The following THEMIS variants were observed in gnomAD, a reference collection of about 807,000 sequenced individuals.
The protein encoded by THEMIS is thymocyte selection associated.
A neutral mutation model predicts 52.6 loss-of-function variants in THEMIS; 37 were observed. The ratio of observed to expected loss-of-function variants is 0.70; its 90% confidence interval spans 0.54 to 0.93. The LOEUF is 0.93. Among genes scored for constraint, THEMIS ranks in the 40% least tolerant of loss-of-function variants. THEMIS has a pLI of 0.00. For synonymous variants in THEMIS, 292 were observed against 272.7 expected (o/e 1.07, Z -0.70); for missense variants, 808 against 763.1 (o/e 1.06, Z -0.69).
intron 4 of THEMIS, among the ~76,000 whole-genome samples, chr6:127,808,393 A>G (rs1299836262): frequency 6.6e-6 from 1 of 152,170 alleles, no homozygotes; most frequent in African/African-American, 2.4e-5. Context: ...AAGGAAGGAG[A>G]ATCTACCTGA....
intron 1 of THEMIS, among the ~76,000 whole-genome samples, chr6:127,856,130 C>G (rs551028657): frequency 6.6e-6 from 1 of 152,058 alleles, no homozygotes; most frequent in African/African-American, 2.4e-5. Flanking sequence ...CTTTGCCATA[C>G]TACATGTGAA....
intron 4 of THEMIS, among the ~76,000 whole-genome samples, chr6:127,810,044 A>G (rs1777848372): frequency 6.6e-6 from 1 of 151,888 alleles, no homozygotes; most frequent in African/African-American, 2.4e-5. Flanking sequence ...ATTATTAAGT[A>G]TCTGGAATCC....
chr6:127,869,077 G>A (rs1780072566), intron 1 of THEMIS, among the ~76,000 whole-genome samples: 1 of 151,878 alleles, frequency 6.6e-6, no homozygotes, highest in African/African-American at 2.4e-5. Context: ...TAAAAGAAAG[G>A]GTCTAAGCTT....
intron 4 of THEMIS, among the ~76,000 whole-genome samples, chr6:127,801,401 T>C (rs1046983158): frequency 6.6e-6 from 1 of 152,096 alleles, no homozygotes; most frequent in African/African-American, 2.4e-5. Flanking sequence ...CACAAGCTCT[T>C]ATCATGTGAG....
At chr6:127,792,671 G>T (rs1316456585) in intron 4 of THEMIS, among the ~76,000 whole-genome samples, 2 of 152,088 alleles carry the variant, frequency 1.3e-5, no homozygotes, top group African/African-American at 4.8e-5. Context: ...GCCTATACAG[G>T]CCACTCTCCC....
intron 4 of THEMIS, among the ~76,000 whole-genome samples, chr6:127,756,802 A>T (rs1321973178): frequency 6.6e-6 from 1 of 152,242 alleles, no homozygotes; most frequent in Non-Finnish European, 1.5e-5. Flanking sequence ...CTAATAAAAA[A>T]TGCTACCACA....
At chr6:127,791,073 G>T (rs577080722) in intron 4 of THEMIS, among the ~76,000 whole-genome samples, 6 of 152,304 alleles carry the variant, frequency 3.9e-5, no homozygotes, top group African/African-American at 1.4e-4. Context: ...CTGCCATGTG[G>T]CAAGCAGGGG....
chr6:127,808,663 A>C (rs983117244), intron 4 of THEMIS, among the ~76,000 whole-genome samples: 21 of 152,146 alleles, frequency 1.4e-4, no homozygotes, highest in African/African-American at 4.6e-4. Flanking sequence ...ATAAAATCTC[A>C]TAGGTCTTGA....
chr6:127,881,026 AT>A (rs1273045573), intron 1 of THEMIS, among the ~76,000 whole-genome samples: 1 of 152,112 alleles, frequency 6.6e-6, no homozygotes, highest in Non-Finnish European at 1.5e-5. Context: ...AAGTTTTTAA[AT>A]TCAAGAACTT....
At chr6:127,806,540 C>T (rs1777714445) in intron 4 of THEMIS, among the ~76,000 whole-genome samples, 1 of 152,036 alleles carries the variant, frequency 6.6e-6, no homozygotes. Flanking sequence ...TTCAATCATG[C>T]CATAATGAAA....
At chr6:127,794,370 A>C (rs1777257858) in intron 4 of THEMIS, among the ~76,000 whole-genome samples, 1 of 152,204 alleles carries the variant, frequency 6.6e-6, no homozygotes, top group African/African-American at 2.4e-5. Flanking sequence ...TCTTTCATGA[A>C]AAATTAAGCC....
In THEMIS at chr6:127,719,813, A is replaced by C; in HGVS notation, c.1769T>G (p.Val590Gly). Residue 590 changes from valine to glycine, a missense_variant, in exon 5 of 6, where the codon GTA becomes GGA. By Grantham distance (109) the Val-to-Gly change is moderately radical. Coordinates refer to ENST00000368248, the MANE Select transcript of THEMIS (RefSeq NM_001010923.3). ...DLPKSPKRHH[V>G]DITKKLHPNQ... ...TGGGTGAAGTTTCTTGGTTATGTCT[A>C]CGTGATGACGCTGAAATGACACAGG... The C allele has an allele frequency of 2.5e-6, 4 of 1,612,014 alleles. No homozygotes were observed. Among genetic ancestry groups the C allele is most frequent in the Non-Finnish European group, 3.4e-6 (4 of 1,178,776 alleles).
intron 4 of THEMIS, among the ~76,000 whole-genome samples, chr6:127,784,991 CTATCTA>C (rs1776882832): frequency 8.2e-6 from 1 of 121,742 alleles, no homozygotes; most frequent in East Asian, 2.2e-4. Context: ...ATCTATCTAT[CTATCTA>C]TCTATCTATT....
chr6:127,706,118 G>A (rs1053379859), downstream of THEMIS, among the ~76,000 whole-genome samples: 2 of 151,890 alleles, frequency 1.3e-5, no homozygotes, highest in African/African-American at 4.8e-5. Flanking sequence ...ACATAAGAGT[G>A]GAAGTGGGAA....
intron 3 of THEMIS, among the ~76,000 whole-genome samples, chr6:127,816,374 T>C (rs1017482269): frequency 2.0e-5 from 3 of 152,162 alleles, no homozygotes; most frequent in Non-Finnish European, 2.9e-5. Context: ...CCAAAACATT[T>C]TCCTGAATGC....
intron 4 of THEMIS, among the ~76,000 whole-genome samples, chr6:127,788,637 C>T (rs1026320614): frequency 1.1e-4 from 16 of 151,994 alleles, no homozygotes; most frequent in African/African-American, 3.4e-4. Flanking sequence ...CATTTTAGCC[C>T]CATATATTTT....
chr6:127,716,838 T>C (rs1056421877), intron 5 of THEMIS, among the ~76,000 whole-genome samples: 1 of 151,902 alleles, frequency 6.6e-6, no homozygotes, highest in African/African-American at 2.4e-5. Context: ...AAAGAGTCCA[T>C]TAGAGAGCGT....
intron 4 of THEMIS, among the ~76,000 whole-genome samples, chr6:127,752,493 A>C (rs1329669851): frequency 6.6e-6 from 1 of 151,574 alleles, no homozygotes; most frequent in East Asian, 1.9e-4. Flanking sequence ...AAAATACAAA[A>C]GATCACAATG....
At chr6:127,790,140 C>T (rs1777109731) in intron 4 of THEMIS, among the ~76,000 whole-genome samples, 1 of 152,312 alleles carries the variant, frequency 6.6e-6, no homozygotes, top group East Asian at 1.9e-4. Flanking sequence ...ATTGTCTCAT[C>T]CCAAAATGTC....
Sources: allele counts gnomAD v4.1 joint callset (sites outside exome capture counted in the v4.1 genomes callset), GRCh38; gene constraint gnomAD v4.1.1; transcripts MANE v1.5; gene names NCBI Gene and HGNC (gene_info 2026-07-23, HGNC 2026-07-21).